The following CCNH variants were observed in gnomAD, a reference collection of about 807,000 sequenced individuals.
CCNH encodes cyclin-H.
In CCNH, 31 loss-of-function variants were observed where a neutral mutation model predicts 41.9. The observed-to-expected ratio is 0.74, with a 90% CI of 0.56 to 1.00. CCNH has a LOEUF of 1.00. CCNH is among the 50% of genes least tolerant of loss of function. CCNH has a pLI of 0.00. For missense variants in CCNH, 362 were observed against 388.4 expected, an observed-to-expected ratio of 0.93 and a Z score of 0.57; for synonymous variants, 138 against 136.1, an observed-to-expected ratio of 1.01 and a Z score of -0.10.
intron 9 of CCNH, chr5:87,369,661 T>G: frequency 1.7e-6 from 1 of 577,216 alleles, no homozygotes; most frequent in Non-Finnish European, 3.0e-6. Flanking sequence ...ATAGCTGACT[T>G]TTTTTTAGTA....
downstream of CCNH, among the ~76,000 whole-genome samples, chr5:87,315,496 G>A (rs2112317317): frequency 6.6e-6 from 1 of 152,296 alleles, no homozygotes; most frequent in South Asian, 2.1e-4. Context: ...TATGAATTTG[G>A]GGATTAAGTT....
intron 9 of CCNH, among the ~76,000 whole-genome samples, chr5:87,349,991 A>G (rs1759138957): frequency 1.3e-5 from 2 of 151,902 alleles, no homozygotes; most frequent in Non-Finnish European, 2.9e-5. Context: ...TTTTCCTATA[A>G]CTAATAACTC....
chr5:87,401,449 C>A (rs1331963635), intron 6 of CCNH, among the ~76,000 whole-genome samples: 1 of 152,216 alleles, frequency 6.6e-6, no homozygotes, highest in Non-Finnish European at 1.5e-5. Context: ...TGTTGTCAAT[C>A]TCTAAATCCT....
intron 9 of CCNH, among the ~76,000 whole-genome samples, chr5:87,369,548 TTATTTC>T (rs1174859359): frequency 6.6e-6 from 1 of 152,144 alleles, no homozygotes; most frequent in Non-Finnish European, 1.5e-5. Flanking sequence ...GTTTGTAACT[TTATTTC>T]TAATGTATTT....
At chr5:87,376,266 T>C in exon 1 of CCNH, 1 of 1,056,182 alleles carries the variant, frequency 9.5e-7, no homozygotes, top group Non-Finnish European at 1.4e-6. Flanking sequence ...TTTGTGATGT[T>C]ACTGAAAACT....
At position 87,346,039 on chromosome 5, in the gene CCNH, A is replaced by G. The variant is rs572980103; in HGVS notation, c.*91-27142T>C. On this transcript the variant is annotated intron_variant and NMD_transcript_variant, in intron 9 of 9. Transcript: ENST00000645953. ...TTATTGTATGCTCTATGTCTTGACTATGATGCCTTTTATAATAATTTCTAA... is the reference window on the plus strand; with the variant it reads ...TTATTGTATGCTCTATGTCTTGACTGTGATGCCTTTTATAATAATTTCTAA... Among the ~76,000 whole-genome samples the G allele has an allele frequency of 5.0e-4, 76 of 152,246 alleles. 1 individual carries two copies. The highest frequency in any genetic ancestry group is 1.8e-3 in the African/African-American group (75 of 41,578).
At chr5:87,370,034 G>A in intron 9 of CCNH, 4 of 803,626 alleles carry the variant, frequency 5.0e-6, no homozygotes, top group Non-Finnish European at 8.1e-6. Context: ...TTATTTTAAG[G>A]AATGAGATTT....
At chr5:87,374,945 A>C, downstream of CCNH, 8 of 1,593,014 alleles carry the variant, frequency 5.0e-6, no homozygotes, top group Non-Finnish European at 6.8e-6. Flanking sequence ...TTTCTAAAAT[A>C]GAAAAAGCAT....
At chr5:87,406,056 C>T (rs1203689578) in intron 4 of CCNH, among the ~76,000 whole-genome samples, 2 of 152,100 alleles carry the variant, frequency 1.3e-5, no homozygotes, top group Non-Finnish European at 2.9e-5. Flanking sequence ...TTCCATCTGT[C>T]TTAATGTCTT....
At chr5:87,379,961 A>AAC, upstream of CCNH, 1 of 1,116,858 alleles carries the variant, frequency 9.0e-7, no homozygotes, top group Non-Finnish European at 1.3e-6. Context: ...TATACTCTGA[A>AAC]AAAGTCATGG....
intron 9 of CCNH, chr5:87,369,697 T>G: frequency 1.3e-6 from 1 of 748,010 alleles, no homozygotes; most frequent in Non-Finnish European, 2.2e-6. Flanking sequence ...GGAGTATTAT[T>G]TCTTTAAGAA....
At chr5:87,365,124 G>C (rs908641050) in intron 9 of CCNH, among the ~76,000 whole-genome samples, 2 of 152,088 alleles carry the variant, frequency 1.3e-5, no homozygotes, top group South Asian at 2.1e-4. Flanking sequence ...TTGGAGGATG[G>C]GTATGAATTC....
intron 9 of CCNH, chr5:87,333,221 A>G (rs1757723593): frequency 1.9e-6 from 3 of 1,603,034 alleles, no homozygotes; most frequent in Middle Eastern, 2.0e-4. Context: ...TGACTTTAAG[A>G]TAAAAAGACT....
At chr5:87,379,708 T>C (rs765185124), upstream of CCNH, 2 of 1,608,330 alleles carry the variant, frequency 1.2e-6, no homozygotes, top group Non-Finnish European at 1.7e-6. Context: ...CCAACATGCA[T>C]TTATATTGAT....
intron 9 of CCNH, among the ~76,000 whole-genome samples, chr5:87,319,095 C>T (rs1017898118): frequency 3.9e-5 from 6 of 152,218 alleles, no homozygotes; most frequent in East Asian, 1.9e-4. Flanking sequence ...ATCCAGGGCA[C>T]GCTGATGCAA....
rs112441173 is a variant in CCNH at position 87,339,411 on chromosome 5, G to A, written c.*91-20514C>T. 6.7e-3 allele frequency among the ~76,000 whole-genome samples: 1,019 copies of A among 152,184 alleles called. 11 individuals are homozygous for A. Among genetic ancestry groups the A allele is most frequent in the African/African-American group, 0.023 (964 of 41,546 alleles). The stretch of plus-strand genomic sequence containing the variant: ...TACTCCATATAGGCAAACAGTATTC[G>A]TACTGAAGCATCTTACTATGATAGT... On this transcript the variant is annotated intron_variant and NMD_transcript_variant, in intron 9 of 9. Coordinates refer to the CCNH transcript ENST00000645953.
At chr5:87,333,615 A>G (rs1363234059) in intron 9 of CCNH, among the ~76,000 whole-genome samples, 1 of 152,276 alleles carries the variant, frequency 6.6e-6, no homozygotes, top group East Asian at 1.9e-4. Flanking sequence ...GCTTCAATCT[A>G]TATGCTATGT....
At chr5:87,320,629 G>A (rs1756721938) in intron 9 of CCNH, among the ~76,000 whole-genome samples, 1 of 152,144 alleles carries the variant, frequency 6.6e-6, no homozygotes, top group Non-Finnish European at 1.5e-5. Flanking sequence ...ACAGCAAGGG[G>A]AAATTTGCCT....
intron 1 of CCNH, 81 bp downstream of exon 1, chr5:87,412,597 T>G: frequency 6.4e-7 from 1 of 1,555,922 alleles, no homozygotes; most frequent in Admixed American, 1.8e-5. Context: ...GGAGCGAGAT[T>G]GTCCTGGGAG....
Sources: allele counts gnomAD v4.1 joint callset (sites outside exome capture counted in the v4.1 genomes callset), GRCh38; gene constraint gnomAD v4.1.1; transcripts MANE v1.5; gene names NCBI Gene and HGNC (gene_info 2026-07-23, HGNC 2026-07-21).